The following CACNG2 variants were observed in gnomAD, a reference collection of about 807,000 sequenced individuals.
The protein encoded by CACNG2 is calcium voltage-gated channel auxiliary subunit gamma 2.
Under a neutral mutation model 25.9 loss-of-function variants are expected in CACNG2, and 3 were observed. The ratio of observed to expected loss-of-function variants is 0.12; its 90% CI spans 0.05 to 0.30. CACNG2 has a LOEUF of 0.30. Among genes scored for constraint, CACNG2 ranks in the 10% least tolerant of loss-of-function variants. The pLI is 1.00. For synonymous variants in CACNG2, 167 were observed against 173.3 expected (o/e 0.96, Z 0.29); for missense variants, 341 against 432.5 (o/e 0.79, Z 1.88).
intron 1 of CACNG2, among the ~76,000 whole-genome samples, chr22:36,600,476 T>A (rs1394767507): frequency 2.6e-5 from 4 of 151,276 alleles, no homozygotes; most frequent in African/African-American, 7.3e-5. Flanking sequence ...GGAAACTTTA[T>A]AGCCAAGCCT....
chr22:36,657,906 C>T (rs767308435), intron 1 of CACNG2, among the ~76,000 whole-genome samples: 7 of 151,972 alleles, frequency 4.6e-5, no homozygotes, highest in Non-Finnish European at 4.4e-5. Flanking sequence ...AGAAAATCTC[C>T]GTTCACTCCC....
chr22:36,599,205 T>G lies in CACNG2; in HGVS notation c.212-11657A>C, dbSNP rs559602933. Among the ~76,000 whole-genome samples, 8 of 152,264 alleles carry G rather than the reference T, an allele frequency of 5.3e-5. No homozygotes were observed. The South Asian group carries it at 1.7e-3, about 32-fold the overall frequency. On this transcript the variant is annotated intron_variant, in intron 1 of 3. Transcript: ENST00000300105. The stretch of plus-strand genomic sequence containing the variant: ...GTAATGTAGTGTACAGCAGTGAAAG[T>G]TAGTGAATTACAGCTACACAAGTCA...
At chr22:36,670,148 A>T (rs932785762) in intron 1 of CACNG2, among the ~76,000 whole-genome samples, 3 of 152,182 alleles carry the variant, frequency 2.0e-5, no homozygotes. Context: ...GACATTTAGT[A>T]AACTTTTTAC....
intron 1 of CACNG2, among the ~76,000 whole-genome samples, chr22:36,613,825 C>A (rs1423469644): frequency 6.6e-6 from 1 of 152,090 alleles, no homozygotes; most frequent in Non-Finnish European, 1.5e-5. Flanking sequence ...TATGCTGGCT[C>A]AATAATAAAT....
intron 2 of CACNG2, 102 bp from the exon 3 acceptor site, chr22:36,566,595 T>C: frequency 1.6e-6 from 2 of 1,248,428 alleles, no homozygotes. Context: ...TGGGGGTTTA[T>C]GGACACAGCC....
At chr22:36,632,471 T>TCTC (rs1225772219) in intron 1 of CACNG2, among the ~76,000 whole-genome samples, 1 of 6,846 alleles carries the variant, frequency 1.5e-4, no homozygotes, top group East Asian at 5.1e-3. Context: ...TCTCCTCTCC[T>TCTC]CTCTCTCTCT....
At chr22:36,651,978 C>T (rs1207867036) in intron 1 of CACNG2, among the ~76,000 whole-genome samples, 1 of 152,172 alleles carries the variant, frequency 6.6e-6, no homozygotes, top group Non-Finnish European at 1.5e-5. Context: ...ATTCTCCTGC[C>T]TCAGCCTCCC....
At chr22:36,590,889 C>T (rs1307421206) in intron 1 of CACNG2, among the ~76,000 whole-genome samples, 2 of 152,056 alleles carry the variant, frequency 1.3e-5, no homozygotes, top group African/African-American at 2.4e-5. Flanking sequence ...ACCTCAGGAC[C>T]GTGGCACATG....
chr22:36,630,122 T>C (rs1936246361), intron 1 of CACNG2, among the ~76,000 whole-genome samples: 2 of 152,254 alleles, frequency 1.3e-5, no homozygotes, highest in East Asian at 3.9e-4. Flanking sequence ...GAAGGGGTCA[T>C]GTGGCCACAG....
intron 2 of CACNG2, among the ~76,000 whole-genome samples, chr22:36,568,651 C>T (rs779866207): frequency 6.6e-6 from 1 of 152,156 alleles, no homozygotes; most frequent in Non-Finnish European, 1.5e-5. Context: ...GTGATCTGCC[C>T]GCCTCGGCCT....
chr22:36,623,400 A>G (rs1050483745), intron 1 of CACNG2, among the ~76,000 whole-genome samples: 13 of 152,130 alleles, frequency 8.5e-5, no homozygotes, highest in African/African-American at 3.1e-4. Flanking sequence ...TTTGGCATTC[A>G]TATGCTGGGG....
intron 1 of CACNG2, among the ~76,000 whole-genome samples, chr22:36,639,769 A>G (rs545550262): frequency 2.6e-5 from 4 of 152,178 alleles, no homozygotes; most frequent in Non-Finnish European, 4.4e-5. Flanking sequence ...TTCTCTCCCC[A>G]CATCTGGAAG....
intron 1 of CACNG2, among the ~76,000 whole-genome samples, chr22:36,671,862 G>A (rs1019453737): frequency 6.6e-6 from 1 of 152,190 alleles, no homozygotes; most frequent in Non-Finnish European, 1.5e-5. Flanking sequence ...GTCACAGGGG[G>A]ACATTTTGCT....
At chr22:36,603,829 G>C (rs1157890119) in intron 1 of CACNG2, among the ~76,000 whole-genome samples, 1 of 152,192 alleles carries the variant, frequency 6.6e-6, no homozygotes, top group African/African-American at 2.4e-5. Context: ...GTTCTCAAGA[G>C]CTCTGATGGA....
chr22:36,688,675 A>G, intron 1 of CACNG2, among the ~76,000 whole-genome samples: 1 of 152,028 alleles, frequency 6.6e-6, no homozygotes, highest in East Asian at 1.9e-4. Context: ...TCCTCATGGT[A>G]GAGGCAAAGA....
chr22:36,571,503 C>T (rs1487489745), intron 2 of CACNG2, among the ~76,000 whole-genome samples: 1 of 151,840 alleles, frequency 6.6e-6, no homozygotes, highest in Non-Finnish European at 1.5e-5. Context: ...TTTCCCCCAA[C>T]TGAGTCATAA....
intron 1 of CACNG2, among the ~76,000 whole-genome samples, chr22:36,644,810 G>A (rs1458908871): frequency 6.6e-6 from 1 of 151,974 alleles, no homozygotes; most frequent in Non-Finnish European, 1.5e-5. Flanking sequence ...TTTTTTGTTT[G>A]TTTTTGTTTT....
chr22:36,702,268 T>G, intron 1 of CACNG2, 98 bp downstream of exon 1: 3 of 727,568 alleles, frequency 4.1e-6, no homozygotes, highest in Non-Finnish European at 4.6e-6. Flanking sequence ...AAGAAAATGG[T>G]GGAATGTAAA....
chr22:36,565,131 G>A (rs1935104889), intron 3 of CACNG2, among the ~76,000 whole-genome samples: 1 of 152,250 alleles, frequency 6.6e-6, no homozygotes. Context: ...CAGGGCGGGA[G>A]AAGGGAGGCA....
Sources: allele counts gnomAD v4.1 joint callset (sites outside exome capture counted in the v4.1 genomes callset), GRCh38; gene constraint gnomAD v4.1.1; transcripts MANE v1.5; gene names NCBI Gene and HGNC (gene_info 2026-07-23, HGNC 2026-07-21).